Variants in PALM2AKAP2 observed in about 807,000 individuals in gnomAD.
PALM2AKAP2 encodes the protein PALM2-AKAP2 fusion protein.
PALM2AKAP2 carries 37 observed loss-of-function variants against 71.5 expected under a neutral mutation model. That is an observed-to-expected ratio of 0.52 (90% CI 0.40 to 0.68). The LOEUF (loss-of-function observed/expected upper bound fraction) is 0.68. Among genes scored for constraint, PALM2AKAP2 ranks in the 30% least tolerant of loss-of-function variants. The pLI, the probability that PALM2AKAP2 is intolerant of heterozygous loss-of-function variation, is 0.00. For synonymous variants in PALM2AKAP2, 468 were observed against 478.8 expected, an observed-to-expected ratio of 0.98 and a Z score of 0.29; for missense variants, 1,224 against 1,191.8, an observed-to-expected ratio of 1.03 and a Z score of -0.40.
At chr9:109,757,605 T>C (rs1828983301) in intron 1 of PALM2AKAP2, among the ~76,000 whole-genome samples, 1 of 152,086 alleles carries the variant, frequency 6.6e-6, no homozygotes, top group Non-Finnish European at 1.5e-5. Flanking sequence ...AGTTTGATAG[T>C]CCGCAATATG....
At chr9:110,037,934 T>A (rs538321762) in intron 7 of PALM2AKAP2, among the ~76,000 whole-genome samples, 8 of 152,294 alleles carry the variant, frequency 5.3e-5, no homozygotes, top group Admixed American at 6.5e-5. Flanking sequence ...CTGGATGAGA[T>A]CACAGAGAGA....
intron 1 of PALM2AKAP2, among the ~76,000 whole-genome samples, chr9:110,086,282 A>G (rs759031534): frequency 1.3e-5 from 2 of 152,242 alleles, no homozygotes; most frequent in Non-Finnish European, 2.9e-5. Context: ...GGATTAAAAT[A>G]TAAAAAAGAA....
At chr9:109,964,437 A>G (rs1181949564) in intron 6 of PALM2AKAP2, among the ~76,000 whole-genome samples, 1 of 152,262 alleles carries the variant, frequency 6.6e-6, no homozygotes, top group Non-Finnish European at 1.5e-5. Flanking sequence ...CTGGGAGGTC[A>G]GAGATTTGAA....
At chr9:109,817,260 G>A (rs1221668755) in intron 1 of PALM2AKAP2, among the ~76,000 whole-genome samples, 1 of 152,144 alleles carries the variant, frequency 6.6e-6, no homozygotes, top group African/African-American at 2.4e-5. Context: ...TGGCCTTTTG[G>A]TCTGATCAGA....
chr9:109,746,358 G>A (rs1010099982), intron 1 of PALM2AKAP2, among the ~76,000 whole-genome samples: 2 of 152,132 alleles, frequency 1.3e-5, no homozygotes, highest in African/African-American at 4.8e-5. Flanking sequence ...AGAAAGCATG[G>A]GGGAATGTCT....
At chr9:109,930,219 T>C (rs145155779) in intron 5 of PALM2AKAP2, among the ~76,000 whole-genome samples, 43 of 149,846 alleles carry the variant, frequency 2.9e-4, no homozygotes, top group African/African-American at 1.0e-3. Flanking sequence ...ATGGTTAATA[T>C]GGAAAAATCT....
At chr9:110,097,784 C>T (rs1203287502) in intron 1 of PALM2AKAP2, among the ~76,000 whole-genome samples, 2 of 142,616 alleles carry the variant, frequency 1.4e-5, no homozygotes, top group African/African-American at 2.9e-5. Flanking sequence ...GCTGCAATCT[C>T]GGCACTTTGG....
At chr9:109,815,386 G>A (rs1827827190) in intron 1 of PALM2AKAP2, among the ~76,000 whole-genome samples, 1 of 152,168 alleles carries the variant, frequency 6.6e-6, no homozygotes, top group South Asian at 2.1e-4. Context: ...ATCTGGTTTT[G>A]GGGACTTCAG....
At chr9:110,138,664 G>A (rs1835957821) in intron 2 of PALM2AKAP2, 125 bp downstream of exon 8, 3 of 1,431,056 alleles carry the variant, frequency 2.1e-6, no homozygotes, top group Non-Finnish European at 2.7e-6. Flanking sequence ...GGGGACACTG[G>A]CATGAGAATT....
At chr9:109,841,406 A>G (rs978608427) in intron 1 of PALM2AKAP2, among the ~76,000 whole-genome samples, 16 of 146,932 alleles carry the variant, frequency 1.1e-4, no homozygotes, top group Non-Finnish European at 2.1e-4. Context: ...TAGGAGATAT[A>G]CCTAATGTAA....
intron 2 of PALM2AKAP2, among the ~76,000 whole-genome samples, chr9:110,151,278 T>A (rs1313163656): frequency 6.6e-6 from 1 of 152,252 alleles, no homozygotes; most frequent in Non-Finnish European, 1.5e-5. Context: ...CTCAAACTCC[T>A]GAGCTCAAGT....
intron 1 of PALM2AKAP2, among the ~76,000 whole-genome samples, chr9:109,836,867 T>C (rs1268110314): frequency 6.6e-6 from 1 of 152,184 alleles, no homozygotes; most frequent in African/African-American, 2.4e-5. Flanking sequence ...CTCCAAGGAA[T>C]GTGCGACTAT....
chr9:109,965,685 T>G (rs993533725), intron 6 of PALM2AKAP2, among the ~76,000 whole-genome samples: 2 of 152,206 alleles, frequency 1.3e-5, no homozygotes, highest in Admixed American at 6.5e-5. Context: ...GTGAATGTAC[T>G]TAATGCTATC....
chr9:109,689,587 C>T (rs1197183319), intron 1 of PALM2AKAP2, among the ~76,000 whole-genome samples: 1 of 152,208 alleles, frequency 6.6e-6, no homozygotes, highest in Non-Finnish European at 1.5e-5. Context: ...ATAAATAGCA[C>T]TCCATTACTT....
intron 1 of PALM2AKAP2, among the ~76,000 whole-genome samples, chr9:109,806,939 C>T (rs559857192): frequency 1.3e-5 from 2 of 152,284 alleles, no homozygotes; most frequent in South Asian, 4.1e-4. Context: ...AAAGATTACT[C>T]TGGCTGATGT....
intron 1 of PALM2AKAP2, chr9:110,090,326 AG>A (rs1834677389): frequency 2.2e-6 from 1 of 456,310 alleles, no homozygotes; most frequent in Admixed American, 2.4e-5. Flanking sequence ...ACTGGGACGA[AG>A]CTGTAGGCAC....
chr9:110,058,898 G>GTTTTTTTT (rs202140304), intron 1 of PALM2AKAP2, among the ~76,000 whole-genome samples: 10 of 111,726 alleles, frequency 9.0e-5, no homozygotes, highest in Admixed American at 1.1e-4. Context: ...AAGTTTTTTG[G>GTTTTTTTT]TTTTTTTTTT....
In PALM2AKAP2 at chr9:109,871,975, C is replaced by T. The variant is rs55864243; in HGVS notation, c.126+4404C>T. ...TTTACTTTTTACTGATGCTGAGCTG[C>T]TTGTCTCAATGTGATTTATTGATTA... On this transcript the variant is annotated intron_variant, in intron 2 of 9. Transcript: ENST00000302798. Among the ~76,000 whole-genome samples, 990 of 152,288 alleles carry T rather than the reference C, an allele frequency of 6.5e-3. 13 individuals carry two copies. The highest frequency in any genetic ancestry group is 0.023 in the African/African-American group (940 of 41,568).
intron 1 of PALM2AKAP2, among the ~76,000 whole-genome samples, chr9:110,104,058 T>C (rs1835059591): frequency 1.3e-5 from 2 of 152,068 alleles, no homozygotes; most frequent in African/African-American, 4.8e-5. Context: ...TGGAATCTAT[T>C]GAGTGCCCCC....
Sources: allele counts gnomAD v4.1 joint callset (sites outside exome capture counted in the v4.1 genomes callset), GRCh38; gene constraint gnomAD v4.1.1; transcripts MANE v1.5; gene names NCBI Gene and HGNC (gene_info 2026-07-23, HGNC 2026-07-21).